The following CAMK2D variants were observed in gnomAD, a reference collection of about 807,000 sequenced individuals.
CAMK2D encodes calcium/calmodulin-dependent protein kinase type II subunit delta.
CAMK2D carries 37 observed loss-of-function variants against 84.0 expected under a neutral mutation model. The ratio of observed to expected loss-of-function variants is 0.44; its 90% confidence interval spans 0.34 to 0.58. The LOEUF (loss-of-function observed/expected upper bound fraction) is 0.58. CAMK2D is among the 20% of genes least tolerant of loss of function. The probability of loss-of-function intolerance (pLI) is 0.02; values close to 1 mark genes in which losing one functional copy is unlikely to be tolerated. For missense variants in CAMK2D, 448 were observed against 652.5 expected, an observed-to-expected ratio of 0.69 and a Z score of 3.41; for synonymous variants, 202 against 212.5, an observed-to-expected ratio of 0.95 and a Z score of 0.43.
At chr4:113,565,419 G>A (rs927595233) in intron 4 of CAMK2D, among the ~76,000 whole-genome samples, 9 of 152,180 alleles carry the variant, frequency 5.9e-5, no homozygotes, top group African/African-American at 2.2e-4. Flanking sequence ...GGGAGGCCAA[G>A]GCGGGTGGAT....
At chr4:113,537,251 C>G in intron 7 of CAMK2D, 90 bp downstream of exon 7, 1 of 658,278 alleles carries the variant, frequency 1.5e-6, no homozygotes, top group Non-Finnish European at 2.7e-6. Flanking sequence ...ATGAAGTTTT[C>G]CATTTTATTT....
At chr4:113,694,694 T>A (rs1441648931) in intron 2 of CAMK2D, among the ~76,000 whole-genome samples, 1 of 152,146 alleles carries the variant, frequency 6.6e-6, no homozygotes, top group South Asian at 2.1e-4. Flanking sequence ...AAAAAGAAAG[T>A]AATTTATAAG....
intron 3 of CAMK2D, among the ~76,000 whole-genome samples, chr4:113,615,909 T>G (rs1273930939): frequency 6.6e-6 from 1 of 152,186 alleles, no homozygotes; most frequent in Non-Finnish European, 1.5e-5. Context: ...AGCCACAATC[T>G]GTTCTAATTT....
chr4:113,585,390 CACAA>C (rs1210137358), intron 4 of CAMK2D, among the ~76,000 whole-genome samples: 3 of 152,076 alleles, frequency 2.0e-5, no homozygotes, highest in African/African-American at 7.2e-5. Flanking sequence ...TGTGCACGGA[CACAA>C]ACATACATAC....
At chr4:113,602,837 G>A (rs997663944) in intron 4 of CAMK2D, among the ~76,000 whole-genome samples, 4 of 152,036 alleles carry the variant, frequency 2.6e-5, no homozygotes, top group African/African-American at 4.8e-5. Flanking sequence ...TCTAATTTGC[G>A]GGGTCCCAGC....
At chr4:113,522,928 T>C (rs2098380838) in intron 8 of CAMK2D, among the ~76,000 whole-genome samples, 1 of 152,170 alleles carries the variant, frequency 6.6e-6, no homozygotes, top group South Asian at 2.1e-4. Flanking sequence ...GTGATGGTAT[T>C]TGGTGTGGTG....
rs117398190 is a variant in CAMK2D at position 113,582,107 on chromosome 4, A to G, written c.275+27045T>C. Reference sequence around the variant, plus strand: ...AGAGCATATTTTGACTCTGGCCGCAAATCTCCAAGACTTTAGAATTTTGGT... The same window carrying G: ...AGAGCATATTTTGACTCTGGCCGCAGATCTCCAAGACTTTAGAATTTTGGT... On this transcript the variant is annotated intron_variant, in intron 4 of 20. Coordinates refer to ENST00000511664, the MANE Select transcript of CAMK2D (RefSeq NM_001321571.2). Among the ~76,000 whole-genome samples the G allele has an allele frequency of 6.5e-3, 989 of 152,294 alleles. 29 individuals carry two copies. The highest frequency in any genetic ancestry group is 0.023 in the East Asian group (118 of 5,182).
At chr4:113,509,908 C>T (rs1476542) in intron 12 of CAMK2D, among the ~76,000 whole-genome samples, 9,549 of 152,278 alleles carry the variant, frequency 0.063, 605 homozygotes, top group East Asian at 0.22. Context: ...TCGTTGCATA[C>T]AATTGAATAC....
chr4:113,513,174 C>T, intron 12 of CAMK2D, 154 bp downstream of exon 12: 1 of 985,028 alleles, frequency 1.0e-6, no homozygotes, highest in Non-Finnish European at 1.2e-6. Context: ...TAATGGCAGC[C>T]ATAGGTGTAG....
At chr4:113,618,311 C>T (rs2099030269) in intron 3 of CAMK2D, among the ~76,000 whole-genome samples, 1 of 152,136 alleles carries the variant, frequency 6.6e-6, no homozygotes, top group African/African-American at 2.4e-5. Flanking sequence ...AAAATATGCT[C>T]TTCAAAAAAT....
intron 16 of CAMK2D, among the ~76,000 whole-genome samples, chr4:113,484,440 A>C (rs538041969): frequency 6.6e-6 from 1 of 152,122 alleles, no homozygotes; most frequent in South Asian, 2.1e-4. Context: ...ATGATTCCAG[A>C]TCTCAGGACA....
intron 4 of CAMK2D, among the ~76,000 whole-genome samples, chr4:113,602,742 C>T (rs770965696): frequency 1.3e-5 from 2 of 152,184 alleles, no homozygotes; most frequent in Non-Finnish European, 2.9e-5. Context: ...AGTTACTCAT[C>T]TCTGAGTGCT....
intron 4 of CAMK2D, among the ~76,000 whole-genome samples, chr4:113,591,557 T>G (rs376540972): frequency 2.0e-5 from 3 of 152,220 alleles, no homozygotes; most frequent in African/African-American, 7.2e-5. Flanking sequence ...AATGTGTATC[T>G]CATCAGGTCA....
intron 2 of CAMK2D, among the ~76,000 whole-genome samples, chr4:113,745,086 C>T (rs902092631): frequency 6.6e-6 from 1 of 152,106 alleles, no homozygotes; most frequent in African/African-American, 2.4e-5. Context: ...CAGGCCAATC[C>T]ATCGTATTCA....
intron 6 of CAMK2D, among the ~76,000 whole-genome samples, chr4:113,544,928 C>G (rs533299510): frequency 3.5e-4 from 53 of 152,288 alleles, no homozygotes; most frequent in African/African-American, 1.1e-3. Flanking sequence ...TCAGGGACAT[C>G]CTGAAATTGC....
intron 3 of CAMK2D, among the ~76,000 whole-genome samples, chr4:113,614,809 C>A (rs1404386857): frequency 6.6e-6 from 1 of 152,034 alleles, no homozygotes; most frequent in East Asian, 1.9e-4. Context: ...ACCACATTGT[C>A]CTCAAATACG....
At chr4:113,477,669 G>A (rs570309974) in intron 16 of CAMK2D, among the ~76,000 whole-genome samples, 4 of 150,180 alleles carry the variant, frequency 2.7e-5, no homozygotes, top group Non-Finnish European at 4.4e-5. Context: ...TTGCTTGAAC[G>A]TGGGTGGTGG....
intron 4 of CAMK2D, among the ~76,000 whole-genome samples, chr4:113,578,985 A>T (rs13122272): frequency 7.1e-6 from 1 of 141,542 alleles, no homozygotes; most frequent in African/African-American, 2.6e-5. Context: ...TCCTTTCTTC[A>T]AAAACCAAAG....
intron 12 of CAMK2D, among the ~76,000 whole-genome samples, chr4:113,512,863 G>A (rs1276506254): frequency 2.6e-5 from 4 of 152,164 alleles, no homozygotes; most frequent in African/African-American, 7.2e-5. Context: ...GAGCCACCAC[G>A]CCCGGCCAAT....
Sources: allele counts gnomAD v4.1 joint callset (sites outside exome capture counted in the v4.1 genomes callset), GRCh38; gene constraint gnomAD v4.1.1; transcripts MANE v1.5; gene names NCBI Gene and HGNC (gene_info 2026-07-23, HGNC 2026-07-21).